APAF1: variants seen among roughly 807,000 people sequenced by gnomAD.
APAF1 encodes apoptotic protease-activating factor 1.
A neutral mutation model predicts 152.4 loss-of-function variants in APAF1; 91 were observed. The ratio of observed to expected loss-of-function variants is 0.60; its 90% CI spans 0.50 to 0.71. The LOEUF is 0.71. Ranked by LOEUF, APAF1 falls within the 30% of genes least tolerant of loss-of-function variation. The pLI is 0.00. For missense variants in APAF1, 1,283 were observed against 1,472.0 expected (o/e 0.87, Z 2.10); for synonymous variants, 484 against 494.1 (o/e 0.98, Z 0.27).
chr12:98,668,072 C>T (rs1415635044), intron 10 of APAF1, among the ~76,000 whole-genome samples: 3 of 152,138 alleles, frequency 2.0e-5, no homozygotes, highest in Non-Finnish European at 4.4e-5. Flanking sequence ...GCATGAGCCA[C>T]CGCGGCTGGC....
intron 22 of APAF1, among the ~76,000 whole-genome samples, chr12:98,718,159 A>G (rs572336784): frequency 1.3e-4 from 20 of 152,198 alleles, no homozygotes; most frequent in Non-Finnish European, 2.5e-4. Flanking sequence ...GTTTGCTGTC[A>G]CTGTCTGTCT....
chr12:98,667,751 T>C, intron 10 of APAF1, 107 bp downstream of exon 10: 2 of 1,010,236 alleles, frequency 2.0e-6, no homozygotes, highest in African/African-American at 1.6e-5. Context: ...TTTGTTCATA[T>C]TGCTTTCCAT....
chr12:98,651,401 G>A (rs528254447), intron 4 of APAF1, among the ~76,000 whole-genome samples: 16 of 152,272 alleles, frequency 1.1e-4, no homozygotes, highest in African/African-American at 3.6e-4. Flanking sequence ...TTTTAAATTT[G>A]CATAGATGTT....
rs1251992214 is a variant in APAF1, at chr12:98,665,741, T to G, written c.1144T>G (p.Tyr382Asp). 1 of 1,614,066 alleles carries G rather than the reference T, an allele frequency of 6.2e-7. No individual in the cohort carries two copies. Among genetic ancestry groups the G allele is most frequent in the South Asian group, 1.1e-5 (1 of 91,084 alleles). The change falls in exon 8 of 27, where the codon TAT becomes GAT. Residue 382 changes from tyrosine (Y) to aspartate (D), a missense_variant. Coordinates refer to ENST00000551964, the MANE Select transcript of APAF1 (RefSeq NM_181861.2). ...VEMLREDIKD[Y>D]YTDLSILQKD... ...AATGCTCAGAGAAGACATCAAAGAT[T>G]ATTACACAGATCTTTCCATCCTTCA...
In APAF1 at chr12:98,677,436, AC is replaced by A. The variant is rs746536627; in HGVS notation, c.1806del (p.Asn602LysfsTer8). ...MLYLEWINKKNITNLSRLVVR... is the reference protein window; with the variant it reads ...MLYLEWINKKXITNLSRLVVR... ...TTCCCTGTATTTAGAAACAAAAAAAACATCACGAATCTTTCCCGCTTAGTTG... is the reference window on the plus strand; with the variant it reads ...TTCCCTGTATTTAGAAACAAAAAAAAATCACGAATCTTTCCCGCTTAGTTG... On this transcript the variant is annotated frameshift_variant, in exon 13 of 27. Transcript: ENST00000551964. LOFTEE classifies it high-confidence loss of function. 113 of 1,614,150 alleles carry A rather than the reference AC, an allele frequency of 7.0e-5. No homozygotes were observed. Among genetic ancestry groups the A allele is most frequent in the African/African-American group, 6.5e-4 (49 of 75,050 alleles).
intron 4 of APAF1, among the ~76,000 whole-genome samples, chr12:98,654,150 G>T (rs2097653416): frequency 6.6e-6 from 1 of 152,118 alleles, no homozygotes; most frequent in Admixed American, 6.5e-5. Flanking sequence ...GGAATTAATG[G>T]TTCAGTTTTT....
intron 10 of APAF1, 139 bp downstream of exon 10, chr12:98,667,783 T>C: frequency 1.2e-6 from 1 of 859,350 alleles, no homozygotes; most frequent in Non-Finnish European, 1.7e-6. Context: ...TTTTTTTTTT[T>C]TTTTTTGAGA....
intron 24 of APAF1, among the ~76,000 whole-genome samples, chr12:98,724,393 C>T (rs1231782416): frequency 6.6e-6 from 1 of 152,156 alleles, no homozygotes. Context: ...TCTTCCATAC[C>T]ACTGCCTGTG....
rs947932752 is a variant in APAF1, at chr12:98,689,457, A to T, written c.2304+2584A>T. Among the ~76,000 whole-genome samples the T allele has an allele frequency of 1.3e-3, 180 of 139,250 alleles. 1 individual carries two copies. Among genetic ancestry groups the T allele is most frequent in the African/African-American group, 4.8e-3 (174 of 36,628 alleles). 91.4% of individuals were successfully genotyped at this position (139,250 alleles called of 152,430 possible). ...GGGTGAGAGAGAGAGAGAGAGAGAG[A>T]GAGAGAGTGTGTGTGTCTGTGTGTG... On this transcript the variant is annotated intron_variant, in intron 16 of 26. Coordinates refer to ENST00000551964, the MANE Select transcript of APAF1 (RefSeq NM_181861.2).
chr12:98,662,509 A>G lies in APAF1; in HGVS notation c.764A>G (p.Asp255Gly). ...GACTCTTGGGTGTTGAAAGCTTTTG[A>G]CAGTCAGTGTCAGATTCTTCTTACA... ...VWDSWVLKAF[D>G]SQCQILLTTR... The change falls in exon 6 of 27, where the codon GAC becomes GGC. Residue 255 changes from aspartate to glycine, a missense_variant. By Grantham distance (94) the Asp-to-Gly change is moderately conservative. Coordinates refer to ENST00000551964, the MANE Select transcript of APAF1 (RefSeq NM_181861.2). 1 of 1,613,594 alleles carries G rather than the reference A, an allele frequency of 6.2e-7. No individual in the cohort carries two copies. Among genetic ancestry groups the G allele is most frequent in the Non-Finnish European group, 8.5e-7 (1 of 1,179,748 alleles).
chr12:98,659,071 T>C lies in APAF1; in HGVS notation c.527-89T>C, dbSNP rs2097661362. 7.1e-6 allele frequency: 9 copies of C among 1,274,556 alleles called. No individual in the cohort carries two copies. In the Admixed American group the frequency reaches 1.6e-4, roughly 22 times the overall value. The allele number at this position is 1,274,556 out of a possible 1,614,324, so 79.0% of individuals were successfully genotyped here. A position where few individuals can be genotyped will look rare whatever the true frequency, so the allele number is the denominator to read the frequency against. ...GTTGAAGATGTGATGGGATTGTAAA[T>C]TGGAGTAAATCTGATGCTTAACAGT... is the stretch of plus-strand genomic sequence containing the variant. On this transcript the variant is annotated intron_variant, in intron 4 of 26. Transcript: ENST00000551964.
At chr12:98,714,866 A>G (rs2097732218) in intron 21 of APAF1, among the ~76,000 whole-genome samples, 2 of 136,392 alleles carry the variant, frequency 1.5e-5, no homozygotes, top group South Asian at 4.5e-4. Flanking sequence ...TGACATAGTC[A>G]TTATCTTTTG....
In APAF1 at chr12:98,712,521, T is replaced by C; in HGVS notation, c.2958+86T>C. 5 of 816,002 alleles carry C rather than the reference T, an allele frequency of 6.1e-6. No homozygotes were observed. In the South Asian group the frequency reaches 7.1e-5, roughly 12 times the overall value. 50.5% of individuals were successfully genotyped at this position (816,002 alleles called of 1,614,324 possible). ...CTGGCATTGTGCACTTCTATTTTTA[T>C]TTATTTTTATTTTTGAAATGGGGTC... On this transcript the variant is annotated intron_variant, in intron 21 of 26. Transcript: ENST00000551964.
At chr12:98,690,759 C>T (rs1473665400) in intron 16 of APAF1, among the ~76,000 whole-genome samples, 1 of 152,192 alleles carries the variant, frequency 6.6e-6, no homozygotes. Flanking sequence ...TTCTGCTGTT[C>T]TTAAGCCCCT....
chr12:98,710,017 A>G (rs573544665), intron 20 of APAF1, among the ~76,000 whole-genome samples: 4 of 152,230 alleles, frequency 2.6e-5, no homozygotes, highest in Admixed American at 1.3e-4. Flanking sequence ...CTGGGACTAC[A>G]TGTGTGCTAC....
Position 98,648,788 on chromosome 12 carries a change from G to A in APAF1, c.301G>A (p.Asp101Asn), listed in dbSNP as rs1272614161. The A allele has an allele frequency of 1.2e-6, 2 of 1,613,980 alleles. No individual in the cohort carries two copies. The highest frequency in any genetic ancestry group is 1.7e-5 in the Admixed American group (1 of 60,022). Residue 101 changes from aspartate to asparagine, a missense_variant, in exon 3 of 27, where the codon GAT (aspartate) becomes AAT (asparagine). Asp to Asn is a conservative substitution (Grantham distance 23). Coordinates refer to ENST00000551964, the MANE Select transcript of APAF1 (RefSeq NM_181861.2). The stretch of plus-strand genomic sequence containing the variant: ...TGTTGTCTCTTCTTCCAGTGGTAAA[G>A]ATTCAGTTAGTGGAATAACTTCGTA... ...IPVVSSSSGK[D>N]SVSGITSYVR...
intron 19 of APAF1, among the ~76,000 whole-genome samples, chr12:98,707,438 C>G (rs117067507): frequency 5.9e-5 from 9 of 152,278 alleles, no homozygotes; most frequent in African/African-American, 9.6e-5. Flanking sequence ...GCCTGTCTCT[C>G]TTAATGCCAT....
At chr12:98,706,735 C>A in intron 19 of APAF1, 125 bp downstream of exon 19, 1 of 1,126,814 alleles carries the variant, frequency 8.9e-7, no homozygotes, top group Non-Finnish European at 1.3e-6. Flanking sequence ...TATTCCTATT[C>A]ACCCTGGAAA....
At chr12:98,655,948 T>G (rs1436236851) in intron 4 of APAF1, among the ~76,000 whole-genome samples, 1 of 152,022 alleles carries the variant, frequency 6.6e-6, no homozygotes, top group Non-Finnish European at 1.5e-5. Flanking sequence ...CACACCCAGC[T>G]AATTTTTTGT....
Sources: allele counts gnomAD v4.1 joint callset (sites outside exome capture counted in the v4.1 genomes callset), GRCh38; gene constraint gnomAD v4.1.1; transcripts MANE v1.5; gene names NCBI Gene and HGNC (gene_info 2026-07-23, HGNC 2026-07-21).